TMEM178B: variants seen among roughly 807,000 people sequenced by gnomAD.
TMEM178B encodes transmembrane protein 178B.
A neutral mutation model predicts 31.0 loss-of-function variants in TMEM178B; 5 were observed. The observed-to-expected ratio is 0.16, with a 90% CI of 0.08 to 0.34. TMEM178B has a LOEUF of 0.34. TMEM178B is among the 10% of genes least tolerant of loss of function. The pLI, the probability that TMEM178B is intolerant of heterozygous loss-of-function variation, is 1.00. For synonymous variants in TMEM178B, 164 were observed against 164.0 expected (o/e 1.00, Z 0.00); for missense variants, 275 against 400.3 (o/e 0.69, Z 2.67).
intron 1 of TMEM178B, among the ~76,000 whole-genome samples, chr7:141,093,300 A>T (rs1441265331): frequency 2.0e-5 from 3 of 152,228 alleles, no homozygotes; most frequent in Non-Finnish European, 4.4e-5. Context: ...TGCAGGGCAG[A>T]TGAGAAAAAG....
intron 1 of TMEM178B, among the ~76,000 whole-genome samples, chr7:141,149,951 G>C (rs1586796650): frequency 6.6e-6 from 1 of 152,318 alleles, no homozygotes; most frequent in East Asian, 1.9e-4. Context: ...GATGGGGAGA[G>C]GTGGCCTGGG....
intron 3 of TMEM178B, among the ~76,000 whole-genome samples, chr7:141,456,205 A>G (rs1445087599): frequency 2.0e-5 from 3 of 152,228 alleles, no homozygotes; most frequent in Non-Finnish European, 4.4e-5. Flanking sequence ...AGAGCAAGTC[A>G]GAGAGAATGG....
At chr7:141,292,019 G>A (rs1798556075) in intron 2 of TMEM178B, among the ~76,000 whole-genome samples, 1 of 150,480 alleles carries the variant, frequency 6.6e-6, no homozygotes, top group Non-Finnish European at 1.5e-5. Context: ...TACACATTAT[G>A]GAAAGACAGC....
chr7:141,314,413 T>C (rs1798966420), intron 2 of TMEM178B, among the ~76,000 whole-genome samples: 1 of 152,224 alleles, frequency 6.6e-6, no homozygotes, highest in Admixed American at 6.5e-5. Context: ...GATGAAACTC[T>C]TGGCTGGCTA....
intron 2 of TMEM178B, among the ~76,000 whole-genome samples, chr7:141,368,853 C>A (rs1800057563): frequency 6.6e-6 from 1 of 152,210 alleles, no homozygotes; most frequent in Non-Finnish European, 1.5e-5. Context: ...TCAACTGGGT[C>A]TCTCACTAGA....
At chr7:141,141,189 A>G (rs900990001) in intron 1 of TMEM178B, among the ~76,000 whole-genome samples, 2 of 152,204 alleles carry the variant, frequency 1.3e-5, no homozygotes, top group African/African-American at 4.8e-5. Context: ...ATAATTCAGT[A>G]CTACCTTGCT....
At chr7:141,136,881 G>A (rs1795683959) in intron 1 of TMEM178B, among the ~76,000 whole-genome samples, 1 of 151,900 alleles carries the variant, frequency 6.6e-6, no homozygotes, top group African/African-American at 2.4e-5. Flanking sequence ...AACAAAAAGT[G>A]GGCAAAGGAT....
In TMEM178B at chr7:141,369,639, T is replaced by C. The variant is rs865896475; in HGVS notation, c.497-67969T>C. 2.0e-5 allele frequency among the ~76,000 whole-genome samples: 3 copies of C among 152,336 alleles called. No homozygotes were observed. In the South Asian group the frequency reaches 6.2e-4, roughly 32 times the overall value. The stretch of plus-strand genomic sequence containing the variant: ...CCCGCGTTCCTAATGGAGCTTGCTC[T>C]CTGCAGACTGGCTGTGAGCCCAGGT... On this transcript the variant is annotated intron_variant, in intron 2 of 3. Coordinates refer to ENST00000565468, the MANE Select transcript of TMEM178B (RefSeq NM_001195278.2).
intron 1 of TMEM178B, among the ~76,000 whole-genome samples, chr7:141,121,773 A>G (rs577980506): frequency 4.6e-5 from 7 of 152,268 alleles, no homozygotes; most frequent in African/African-American, 1.7e-4. Context: ...TTTCCTCCCC[A>G]TGAACCTGGT....
intron 2 of TMEM178B, among the ~76,000 whole-genome samples, chr7:141,236,719 A>G (rs1797532780): frequency 6.6e-6 from 1 of 152,194 alleles, no homozygotes; most frequent in Non-Finnish European, 1.5e-5. Flanking sequence ...CTATTAAACA[A>G]AGCAGGAAAA....
chr7:141,176,960 T>C (rs2129183437), intron 1 of TMEM178B, among the ~76,000 whole-genome samples: 1 of 152,314 alleles, frequency 6.6e-6, no homozygotes, highest in East Asian at 1.9e-4. Context: ...TCAGTTCTGT[T>C]CTGATCTTAG....
At chr7:141,152,458 T>G (rs1305670432) in intron 1 of TMEM178B, among the ~76,000 whole-genome samples, 2 of 152,192 alleles carry the variant, frequency 1.3e-5, no homozygotes, top group Non-Finnish European at 2.9e-5. Context: ...TGCTTCCTGA[T>G]GCTCATTTAT....
intron 3 of TMEM178B, among the ~76,000 whole-genome samples, chr7:141,441,726 GA>G (rs1406892303): frequency 6.6e-6 from 1 of 152,172 alleles, no homozygotes; most frequent in Non-Finnish European, 1.5e-5. Flanking sequence ...AGGCCAACAT[GA>G]AAATGGAAGA....
In TMEM178B at chr7:141,474,536, G is replaced by A. The variant is rs531227120; in HGVS notation, c.*3750G>A. ...AACAACCCTACCCTTTCAACTTCAGGGATCATGGAGTCACAGAGACTGGAC... is the reference window on the plus strand; with the variant it reads ...AACAACCCTACCCTTTCAACTTCAGAGATCATGGAGTCACAGAGACTGGAC... On this transcript the variant is annotated 3_prime_UTR_variant, in exon 4 of 4. Coordinates refer to ENST00000565468, the MANE Select transcript of TMEM178B (RefSeq NM_001195278.2). 3.3e-5 allele frequency: 5 copies of A among 152,062 alleles called. No homozygotes were observed. The highest frequency in any genetic ancestry group is 4.8e-5 in the African/African-American group (2 of 41,370). 9.4% of individuals were successfully genotyped at this position (152,062 alleles called of 1,614,324 possible).
rs541727933 is a variant in TMEM178B at position 141,279,089 on chromosome 7, G to A, written c.496+66385G>A. On this transcript the variant is annotated intron_variant, in intron 2 of 3. Transcript: ENST00000565468. ...CTGTTCAGAGTGAGGTCAAACAGAG[G>A]TCATATGCTGACCGTCGATGGGTCC... Among the ~76,000 whole-genome samples, 6 of 152,290 alleles carry A rather than the reference G, an allele frequency of 3.9e-5. No homozygotes were observed. In the South Asian group the frequency reaches 1.2e-3, roughly 32 times the overall value.
chr7:141,086,337 T>A (rs550558201), intron 1 of TMEM178B, among the ~76,000 whole-genome samples: 1 of 152,306 alleles, frequency 6.6e-6, no homozygotes, highest in South Asian at 2.1e-4. Context: ...CTGATCCAAT[T>A]AATATTAATA....
chr7:141,291,926 AT>A (rs11306682), intron 2 of TMEM178B, among the ~76,000 whole-genome samples: 62,130 of 137,778 alleles, frequency 0.45, 13,780 homozygotes, highest in South Asian at 0.58. Flanking sequence ...CATAGAGATC[AT>A]TTTTTTTTTT....
At chr7:141,132,104 A>G (rs1024620906) in intron 1 of TMEM178B, among the ~76,000 whole-genome samples, 2 of 152,092 alleles carry the variant, frequency 1.3e-5, no homozygotes, top group Non-Finnish European at 2.9e-5. Context: ...CTTCGTTTTG[A>G]GTGCTGAGGC....
At chr7:141,505,915 A>G in the TMEM178B span, among the ~76,000 whole-genome samples, 1 of 152,168 alleles carries the variant, frequency 6.6e-6, no homozygotes, top group Admixed American at 6.5e-5. Context: ...GACTCCCCAC[A>G]ATGGCTGTGT....
Sources: gnomAD v4.1 joint callset for allele counts (sites outside exome capture counted in the v4.1 genomes callset) on GRCh38, gnomAD v4.1.1 for gene constraint, MANE v1.5 for transcripts, NCBI Gene and HGNC (gene_info 2026-07-23, HGNC 2026-07-21) for gene names.